Variants in HEATR4 observed in about 807,000 individuals in gnomAD.
The protein encoded by HEATR4 is HEAT repeat containing 4.
HEATR4 carries 95 observed loss-of-function variants against 108.8 expected under a neutral mutation model. The observed-to-expected ratio is 0.87, with a 90% CI of 0.74 to 1.04. The LOEUF (loss-of-function observed/expected upper bound fraction) is 1.04, where lower values mean the gene tolerates loss of function less well. Among genes scored for constraint, HEATR4 ranks in the 50% least tolerant of loss-of-function variants. The pLI, the probability that HEATR4 is intolerant of heterozygous loss-of-function variation, is 0.00. For missense variants in HEATR4, 1,152 were observed against 1,253.8 expected (o/e 0.92, Z 1.23); for synonymous variants, 443 against 459.4 (o/e 0.96, Z 0.46).
At chr14:73,598,801 G>A in the HEATR4 span, among the ~76,000 whole-genome samples, 27,663 of 151,904 alleles carry the variant, frequency 0.18, 4,389 homozygotes, top group African/African-American at 0.43. Context: ...TCGGGAGTTC[G>A]AGACCAGCCT....
At position 73,506,365 on chromosome 14, in the gene HEATR4, G is replaced by A. The variant is rs1003500474; in HGVS notation, c.1986+102C>T. ...AGTAGTGATGTGGGAACAGAGATCT[G>A]TTTGGTAAGAATGGAATAATACATA... On this transcript the variant is annotated intron_variant, in intron 10 of 17. Transcript: ENST00000553558. 22 of 758,476 alleles carry A rather than the reference G, an allele frequency of 2.9e-5. No homozygotes were observed. In the East Asian group the frequency reaches 4.7e-4, roughly 16 times the overall value. The allele number at this position is 758,476 out of a possible 1,614,324, so 47.0% of individuals were successfully genotyped here. A position where few individuals can be genotyped will look rare whatever the true frequency, so the allele number is the denominator to read the frequency against.
At chr14:73,529,567 C>T (rs1888581790) in intron 2 of HEATR4, among the ~76,000 whole-genome samples, 1 of 151,886 alleles carries the variant, frequency 6.6e-6, no homozygotes, top group Non-Finnish European at 1.5e-5. Flanking sequence ...GGACTAAATT[C>T]CTCTCCTGCC....
At chr14:73,479,810 C>T (rs1453965460) in intron 17 of HEATR4, among the ~76,000 whole-genome samples, 1 of 151,288 alleles carries the variant, frequency 6.6e-6, no homozygotes, top group East Asian at 2.0e-4. Context: ...CTCCTGACCT[C>T]ATGATCTGCC....
At chr14:73,630,754 A>G in the HEATR4 span, among the ~76,000 whole-genome samples, 3 of 152,208 alleles carry the variant, frequency 2.0e-5, no homozygotes, top group African/African-American at 7.2e-5. Flanking sequence ...GGCTTTAGGG[A>G]AAAGGAGTTC....
At chr14:73,528,392 CAAAA>C (rs371875141) in intron 2 of HEATR4, among the ~76,000 whole-genome samples, 18 of 88,518 alleles carry the variant, frequency 2.0e-4, no homozygotes, top group Admixed American at 4.6e-4. Context: ...AACTTCATCT[CAAAA>C]AAAAAAAAAA....
chr14:73,571,242 C>G, the HEATR4 span: 1 of 153,632 alleles, frequency 6.5e-6, no homozygotes, highest in Non-Finnish European at 1.5e-5. Context: ...ACTATTGTGG[C>G]CTCTCCTCTT....
intron 1 of HEATR4, among the ~76,000 whole-genome samples, chr14:73,535,465 C>T (rs8005685): frequency 7.6e-4 from 12 of 15,806 alleles, no homozygotes; most frequent in Non-Finnish European, 1.7e-3. Flanking sequence ...TCTTTTTCTT[C>T]TTTCTTTTTT....
the HEATR4 span, among the ~76,000 whole-genome samples, chr14:73,580,360 A>C: frequency 6.6e-6 from 1 of 152,074 alleles, no homozygotes; most frequent in Non-Finnish European, 1.5e-5. Context: ...CCTGGCCTCA[A>C]GTGATCCTCC....
At chr14:73,514,265 A>AC (rs1887450990) in intron 5 of HEATR4, 31 bp from the exon 6 acceptor site, 1 of 1,595,734 alleles carries the variant, frequency 6.3e-7, no homozygotes, top group African/African-American at 1.3e-5. Context: ...AGGTCTTTTC[A>AC]CCCCACTGCC....
the HEATR4 span, among the ~76,000 whole-genome samples, chr14:73,576,927 CTTTTCTTTT>C: frequency 1.6e-5 from 2 of 121,618 alleles, no homozygotes; most frequent in Non-Finnish European, 3.3e-5. Flanking sequence ...TTATTCTTTT[CTTTTCTTTT>C]TTTTTTTTTT....
In HEATR4 at chr14:73,492,288, A is replaced by G. The variant is rs1228584191; in HGVS notation, c.2844+778T>C. ...CTGCACCTCACCTTGTCCACGTACC[A>G]GCGCAATACCTGGGGTGACTTCTTA... On this transcript the variant is annotated intron_variant, in intron 17 of 17. Coordinates refer to ENST00000553558, the MANE Select transcript of HEATR4 (RefSeq NM_001220484.1). The surrounding 1 kb of genome is among the most constrained non-coding windows in gnomAD (Gnocchi z 4.9). 1.9e-6 allele frequency: 3 copies of G among 1,614,032 alleles called. No individual in the cohort carries two copies. The highest frequency in any genetic ancestry group is 2.5e-6 in the Non-Finnish European group (3 of 1,179,900).
At chr14:73,569,761 A>G in the HEATR4 span, 1 of 1,608,522 alleles carries the variant, frequency 6.2e-7, no homozygotes, top group Non-Finnish European at 8.5e-7. Flanking sequence ...CTGGATGGCC[A>G]CGACCCCGAC....
At chr14:73,551,137 C>T (rs1889315029) in intron 1 of HEATR4, among the ~76,000 whole-genome samples, 1 of 110,034 alleles carries the variant, frequency 9.1e-6, no homozygotes, top group African/African-American at 3.0e-5. Context: ...GCACTCCAGC[C>T]TGAGTGACAG....
intron 12 of HEATR4, among the ~76,000 whole-genome samples, chr14:73,499,984 C>T (rs7148216): frequency 5.3e-5 from 8 of 152,192 alleles, no homozygotes; most frequent in African/African-American, 1.9e-4. Context: ...AATCCCAGCA[C>T]TTTGGGAGGC....
chr14:73,630,155 C>T, the HEATR4 span, among the ~76,000 whole-genome samples: 17 of 152,076 alleles, frequency 1.1e-4, no homozygotes, highest in South Asian at 1.5e-3. Context: ...AAAAAGAAGA[C>T]GCAGATAAGC....
the HEATR4 span, among the ~76,000 whole-genome samples, chr14:73,598,314 C>T: frequency 1.3e-5 from 2 of 149,472 alleles, no homozygotes; most frequent in Admixed American, 6.7e-5. Context: ...GGTGTGAACC[C>T]GGGAGGCAGA....
chr14:73,613,355 T>C, the HEATR4 span, among the ~76,000 whole-genome samples: 2 of 152,098 alleles, frequency 1.3e-5, no homozygotes, highest in East Asian at 3.9e-4. Context: ...ATTCAACTTA[T>C]TATATATTTA....
the HEATR4 span, among the ~76,000 whole-genome samples, chr14:73,576,793 CAAAAA>C: frequency 2.2e-3 from 27 of 12,106 alleles, no homozygotes; most frequent in African/African-American, 5.4e-3. Flanking sequence ...GACACAGTCT[CAAAAA>C]AAAAAAAAAA....
At chr14:73,497,683 A>G (rs1004492217) in intron 14 of HEATR4, among the ~76,000 whole-genome samples, 5 of 151,872 alleles carry the variant, frequency 3.3e-5, no homozygotes, top group Non-Finnish European at 7.4e-5. Context: ...CTGGAGTGCA[A>G]TGGCACCATC....
Sources: allele counts gnomAD v4.1 joint callset (sites outside exome capture counted in the v4.1 genomes callset), GRCh38; gene constraint gnomAD v4.1.1; non-coding constraint Gnocchi (gnomAD v3.1); transcripts MANE v1.5; gene names NCBI Gene and HGNC (gene_info 2026-07-23, HGNC 2026-07-21).